Variants in MITF observed in about 807,000 individuals in gnomAD.
MITF encodes the protein melanocyte inducing transcription factor.
MITF carries 17 observed loss-of-function variants against 60.5 expected under a neutral mutation model. That is an observed-to-expected ratio of 0.28 (90% confidence interval 0.19 to 0.42). MITF has a LOEUF of 0.42. MITF is among the 10% of genes least tolerant of loss of function. The pLI, the probability that MITF is intolerant of heterozygous loss-of-function variation, is 1.00. For synonymous variants in MITF, 260 were observed against 248.5 expected (o/e 1.05, Z -0.43); for missense variants, 622 against 683.5 (o/e 0.91, Z 1.00).
chr3:69,937,766 G>A lies in MITF; in HGVS notation c.355-56G>A, dbSNP rs542931976. 1.4e-4 allele frequency: 205 copies of A among 1,459,812 alleles called. 3 individuals carry two copies. The highest frequency in any genetic ancestry group is 1.3e-3 in the South Asian group (113 of 86,208). 90.4% of individuals were successfully genotyped at this position (1,459,812 alleles called of 1,614,324 possible). On this transcript the variant is annotated intron_variant, in intron 2 of 9. Transcript: ENST00000352241. Reference sequence around the variant, plus strand: ...CATGTTTGTGCCTGAAGGAAGAGCCGTCTGAAACTCACAAATAACAGCGCT... The same window carrying A: ...CATGTTTGTGCCTGAAGGAAGAGCCATCTGAAACTCACAAATAACAGCGCT...
At chr3:69,938,408 A>G (rs1409908292) in intron 3 of MITF, 11 of 1,553,998 alleles carry the variant, frequency 7.1e-6, no homozygotes, top group Middle Eastern at 1.7e-4. Flanking sequence ...AAGGAAAAGC[A>G]AAAATAGAAG....
intron 1 of MITF, among the ~76,000 whole-genome samples, chr3:69,794,705 C>T (rs1489290809): frequency 1.3e-5 from 2 of 152,138 alleles, no homozygotes; most frequent in Non-Finnish European, 2.9e-5. Context: ...AGCTACTGCC[C>T]AGGTCAAGAA....
chr3:69,832,838 G>T (rs143773520), intron 1 of MITF, among the ~76,000 whole-genome samples: 1 of 151,872 alleles, frequency 6.6e-6, no homozygotes, highest in Non-Finnish European at 1.5e-5. Flanking sequence ...TTCCTTATGT[G>T]CACTGTATGT....
intron 1 of MITF, among the ~76,000 whole-genome samples, chr3:69,870,374 G>A (rs2064206816): frequency 6.7e-6 from 1 of 148,192 alleles, no homozygotes; most frequent in African/African-American, 2.5e-5. Flanking sequence ...ATATATACGT[G>A]TGTGTGTATA....
At chr3:69,760,384 G>A (rs990879843) in intron 1 of MITF, among the ~76,000 whole-genome samples, 1 of 152,204 alleles carries the variant, frequency 6.6e-6, no homozygotes, top group Non-Finnish European at 1.5e-5. Flanking sequence ...CGAGCTGGTG[G>A]TGGAAGAATG....
chr3:69,787,668 A>G (rs1207582445), intron 1 of MITF, among the ~76,000 whole-genome samples: 1 of 152,010 alleles, frequency 6.6e-6, no homozygotes, highest in African/African-American at 2.4e-5. Flanking sequence ...AGTATAAATT[A>G]CCCTCACTTT....
intron 2 of MITF, chr3:69,937,157 T>C: frequency 5.7e-6 from 1 of 176,874 alleles, no homozygotes; most frequent in Non-Finnish European, 1.2e-5. Context: ...AGTCATGTCT[T>C]TTAAAACACA....
At chr3:69,788,130 T>C (rs1411566674) in intron 1 of MITF, among the ~76,000 whole-genome samples, 2 of 151,500 alleles carry the variant, frequency 1.3e-5, no homozygotes, top group Non-Finnish European at 2.9e-5. Context: ...TATTTTCTTT[T>C]TCTTTTTTTT....
At chr3:69,913,038 A>C (rs946962266) in intron 2 of MITF, among the ~76,000 whole-genome samples, 2 of 152,194 alleles carry the variant, frequency 1.3e-5, no homozygotes, top group African/African-American at 4.8e-5. Flanking sequence ...GTGTGTTGAC[A>C]TGGAAAGTTG....
chr3:69,855,218 C>T (rs1253553116), intron 1 of MITF, among the ~76,000 whole-genome samples: 1 of 141,676 alleles, frequency 7.1e-6, no homozygotes, highest in Non-Finnish European at 1.5e-5. Flanking sequence ...GATGATCATG[C>T]TCATTGCATT....
rs1004785229 is a variant in MITF at position 69,967,315 on chromosome 3, A to G, written c.*2067A>G. ...GTATAGCTCTTTTCCTAGAATAGTG[A>G]CGCAAATCTGCATGAACAGCTAATT... On this transcript the variant is annotated 3_prime_UTR_variant, in exon 10 of 10. Transcript: ENST00000352241. 12 of 232,640 alleles carry G rather than the reference A, an allele frequency of 5.2e-5. No homozygotes were observed. Among genetic ancestry groups the G allele is most frequent in the African/African-American group, 2.0e-4 (9 of 45,260 alleles). The allele number at this position is 232,640 out of a possible 1,614,324, so 14.4% of individuals were successfully genotyped here.
intron 1 of MITF, among the ~76,000 whole-genome samples, chr3:69,795,789 T>C (rs7626629): frequency 0.35 from 53,096 of 152,048 alleles, 10,113 homozygotes; most frequent in Non-Finnish European, 0.42. Context: ...ATATTTCTCA[T>C]ACAAAGCTAA....
intron 1 of MITF, among the ~76,000 whole-genome samples, chr3:69,771,110 A>G (rs2106838175): frequency 6.6e-6 from 1 of 152,270 alleles, no homozygotes; most frequent in South Asian, 2.1e-4. Flanking sequence ...ACCTGGATTC[A>G]TTCCATGTTG....
chr3:69,946,672 A>T (rs1938487731), intron 5 of MITF, among the ~76,000 whole-genome samples: 2 of 152,198 alleles, frequency 1.3e-5, no homozygotes, highest in South Asian at 4.1e-4. Flanking sequence ...CAAGTATGGG[A>T]AAAGCAGCCG....
At chr3:69,798,788 C>T (rs2062871336) in intron 1 of MITF, among the ~76,000 whole-genome samples, 1 of 152,240 alleles carries the variant, frequency 6.6e-6, no homozygotes, top group Non-Finnish European at 1.5e-5. Flanking sequence ...TGCACAGGGC[C>T]TTTGCATATG....
At chr3:69,797,048 A>G (rs1280205776) in intron 1 of MITF, among the ~76,000 whole-genome samples, 1 of 152,198 alleles carries the variant, frequency 6.6e-6, no homozygotes, top group Non-Finnish European at 1.5e-5. Context: ...GAGAACATCT[A>G]CTATTCTAAG....
chr3:69,801,971 C>T (rs962125550), intron 1 of MITF, among the ~76,000 whole-genome samples: 6 of 152,126 alleles, frequency 3.9e-5, no homozygotes, highest in Non-Finnish European at 8.8e-5. Context: ...CCTCAATAAA[C>T]ATGGGTCTTA....
At chr3:69,777,845 T>C (rs2062499133) in intron 1 of MITF, among the ~76,000 whole-genome samples, 1 of 152,078 alleles carries the variant, frequency 6.6e-6, no homozygotes, top group African/African-American at 2.4e-5. Flanking sequence ...TAGAATGAAG[T>C]ACTTTTTAAG....
chr3:69,949,401 G>A (rs975122054), intron 6 of MITF, among the ~76,000 whole-genome samples: 4 of 151,866 alleles, frequency 2.6e-5, no homozygotes, highest in Admixed American at 6.6e-5. Context: ...GGGAATCGGG[G>A]CCACCATTAC....
Sources: allele counts gnomAD v4.1 joint callset (sites outside exome capture counted in the v4.1 genomes callset), GRCh38; gene constraint gnomAD v4.1.1; transcripts MANE v1.5; gene names NCBI Gene and HGNC (gene_info 2026-07-23, HGNC 2026-07-21).